The following CNIH3 variants were observed in gnomAD, a reference collection of about 807,000 sequenced individuals.
CNIH3 encodes the protein protein cornichon homolog 3.
A neutral mutation model predicts 24.1 loss-of-function variants in CNIH3; 14 were observed. The ratio of observed to expected loss-of-function variants is 0.58; its 90% CI spans 0.38 to 0.91. CNIH3 has a LOEUF of 0.91. Among genes scored for constraint, CNIH3 ranks in the 40% least tolerant of loss-of-function variants. The probability of loss-of-function intolerance (pLI) is 0.00; values close to 1 mark genes in which losing one functional copy is unlikely to be tolerated. For synonymous variants in CNIH3, 68 were observed against 73.8 expected (o/e 0.92, Z 0.40); for missense variants, 178 against 196.8 (o/e 0.90, Z 0.57).
intron 1 of CNIH3, among the ~76,000 whole-genome samples, chr1:224,465,308 C>T (rs1048503044): frequency 3.3e-5 from 5 of 152,280 alleles, no homozygotes; most frequent in African/African-American, 9.6e-5. Context: ...GGGGTTTCTC[C>T]GTGTTGGTCA....
chr1:224,692,610 T>C (rs371611087), intron 3 of CNIH3, among the ~76,000 whole-genome samples: 1 of 152,202 alleles, frequency 6.6e-6, no homozygotes, highest in East Asian at 1.9e-4. Context: ...CTGACTACTG[T>C]ATGCCTTTAA....
chr1:224,634,394 C>G (rs1683978389), intron 1 of CNIH3, among the ~76,000 whole-genome samples: 1 of 152,018 alleles, frequency 6.6e-6, no homozygotes, highest in Non-Finnish European at 1.5e-5. Context: ...CATAGTGAAA[C>G]CCCGTCTCTA....
rs147459460 is a variant in CNIH3, at chr1:224,683,582, A to G, written c.151-1214A>G. On this transcript the variant is annotated intron_variant, in intron 2 of 5. Transcript: ENST00000272133. ...GCTGATCCATATGATGCGTCTCTCAATGAGGGCATGAGGCCCATTTGGATT... is the reference window on the plus strand; with the variant it reads ...GCTGATCCATATGATGCGTCTCTCAGTGAGGGCATGAGGCCCATTTGGATT... Among the ~76,000 whole-genome samples the G allele has an allele frequency of 7.2e-4, 110 of 152,346 alleles. 1 individual carries two copies. In the East Asian group the frequency reaches 0.011, roughly 15 times the overall value.
At chr1:224,572,164 T>C (rs1007079606) in intron 4 of CNIH3, among the ~76,000 whole-genome samples, 2 of 152,188 alleles carry the variant, frequency 1.3e-5, no homozygotes, top group Admixed American at 1.3e-4. Flanking sequence ...TAAACTCTAC[T>C]TCTGGTATGA....
chr1:224,627,296 G>A (rs1420257746), intron 1 of CNIH3, among the ~76,000 whole-genome samples: 5 of 151,848 alleles, frequency 3.3e-5, no homozygotes, highest in East Asian at 3.9e-4. Flanking sequence ...ATGTGATCTC[G>A]GCTCACTGCA....
At chr1:224,678,877 T>A (rs1686263184) in intron 1 of CNIH3, among the ~76,000 whole-genome samples, 1 of 152,206 alleles carries the variant, frequency 6.6e-6, no homozygotes, top group East Asian at 1.9e-4. Context: ...AGAGGGCAAA[T>A]GAAAGAATAG....
intron 3 of CNIH3, among the ~76,000 whole-genome samples, chr1:224,562,376 G>A (rs146894506): frequency 2.6e-5 from 4 of 152,280 alleles, no homozygotes; most frequent in African/African-American, 4.8e-5. Flanking sequence ...ATAAAAGGTC[G>A]GGGTGGTGTT....
At chr1:224,632,266 T>G (rs771272640) in intron 1 of CNIH3, among the ~76,000 whole-genome samples, 1 of 152,182 alleles carries the variant, frequency 6.6e-6, no homozygotes, top group African/African-American at 2.4e-5. Flanking sequence ...CTATGGCTAC[T>G]GCAAACTGGA....
At chr1:224,680,685 C>T (rs1686354984) in intron 1 of CNIH3, among the ~76,000 whole-genome samples, 1 of 152,204 alleles carries the variant, frequency 6.6e-6, no homozygotes, top group Non-Finnish European at 1.5e-5. Context: ...AACCTGCCCT[C>T]AGCACAGTAG....
exon 1 of CNIH3, chr1:224,434,699 C>CGGCGGCG (rs1674559899): frequency 2.1e-6 from 2 of 943,226 alleles, no homozygotes; most frequent in South Asian, 4.7e-5. Context: ...GCGGCGGCGG[C>CGGCGGCG]GGCGGCGGGC....
intron 1 of CNIH3, among the ~76,000 whole-genome samples, chr1:224,463,824 TCTGTCGCCCAG>T (rs1676045523): frequency 8.4e-6 from 1 of 118,696 alleles, no homozygotes; most frequent in Non-Finnish European, 1.7e-5. Flanking sequence ...GGAGTCTCGC[TCTGTCGCCCAG>T]GCTGGAGTGC....
At chr1:224,557,900 C>T (rs1321286815) in intron 3 of CNIH3, among the ~76,000 whole-genome samples, 10 of 152,242 alleles carry the variant, frequency 6.6e-5, no homozygotes, top group Non-Finnish European at 1.5e-4. Flanking sequence ...CCACAGTCAT[C>T]TGTAGAAAGT....
intron 4 of CNIH3, among the ~76,000 whole-genome samples, chr1:224,734,197 G>A (rs904895371): frequency 6.6e-6 from 1 of 152,218 alleles, no homozygotes. Context: ...GGGTAGAATG[G>A]AGGTATGGTG....
chr1:224,473,750 A>G (rs1558090203), intron 1 of CNIH3, among the ~76,000 whole-genome samples: 1 of 152,214 alleles, frequency 6.6e-6, no homozygotes, highest in Non-Finnish European at 1.5e-5. Context: ...TAGACAGAAA[A>G]TCAACAAAGA....
intron 1 of CNIH3, among the ~76,000 whole-genome samples, chr1:224,490,368 T>TTA (rs1677194917): frequency 6.6e-6 from 1 of 152,206 alleles, no homozygotes; most frequent in Admixed American, 6.5e-5. Flanking sequence ...GGGACTAGAA[T>TTA]TATAGAGAGT....
chr1:224,647,023 G>C (rs1248749557), intron 1 of CNIH3, among the ~76,000 whole-genome samples: 2 of 152,138 alleles, frequency 1.3e-5, no homozygotes, highest in Admixed American at 1.3e-4. Context: ...GTCTTGCTCT[G>C]TCATGCAAGC....
intron 3 of CNIH3, among the ~76,000 whole-genome samples, chr1:224,690,722 T>C (rs932901769): frequency 4.6e-5 from 7 of 152,220 alleles, no homozygotes; most frequent in Admixed American, 3.9e-4. Flanking sequence ...GGGTGGATTA[T>C]TTTCATTCTT....
At chr1:224,610,939 T>C (rs941020581) in intron 3 of CNIH3, among the ~76,000 whole-genome samples, 3 of 152,156 alleles carry the variant, frequency 2.0e-5, no homozygotes, top group African/African-American at 7.2e-5. Context: ...ACCTGGAAAT[T>C]GTATTAGGCT....
intron 1 of CNIH3, among the ~76,000 whole-genome samples, chr1:224,450,683 A>G (rs1038548603): frequency 4.6e-5 from 7 of 152,242 alleles, no homozygotes; most frequent in Non-Finnish European, 8.8e-5. Context: ...AAGATGTACT[A>G]GATACTTATT....
Sources: allele counts gnomAD v4.1 joint callset (sites outside exome capture counted in the v4.1 genomes callset), GRCh38; gene constraint gnomAD v4.1.1; transcripts MANE v1.5; gene names NCBI Gene and HGNC (gene_info 2026-07-23, HGNC 2026-07-21).